Variants in SLC27A6 observed in about 807,000 individuals in gnomAD.
SLC27A6 encodes the protein solute carrier family 27 member 6.
In SLC27A6, 74 loss-of-function variants were observed where a neutral mutation model predicts 63.9. The observed-to-expected ratio is 1.16, with a 90% CI of 0.96 to 1.40. SLC27A6 has a LOEUF of 1.40. Ranked by LOEUF, SLC27A6 falls within the 40% of genes most tolerant of loss-of-function variation. SLC27A6 has a pLI of 0.00. For missense variants in SLC27A6, 794 were observed against 732.9 expected (o/e 1.08, Z -0.96); for synonymous variants, 287 against 260.8 (o/e 1.10, Z -0.97).
intron 4 of SLC27A6, among the ~76,000 whole-genome samples, chr5:128,997,708 A>T (rs1171355726): frequency 6.6e-6 from 1 of 152,214 alleles, no homozygotes; most frequent in East Asian, 1.9e-4. Flanking sequence ...TTGAGGATAC[A>T]TATATCCCGT....
intron 1 of SLC27A6, among the ~76,000 whole-genome samples, chr5:128,975,841 T>C (rs1383951768): frequency 6.6e-6 from 1 of 152,182 alleles, no homozygotes; most frequent in Admixed American, 6.5e-5. Context: ...AGTAAATACA[T>C]GTTCAACAGA....
chr5:129,011,455 A>G (rs1034993504), intron 4 of SLC27A6, among the ~76,000 whole-genome samples: 4 of 152,216 alleles, frequency 2.6e-5, no homozygotes, highest in African/African-American at 9.6e-5. Flanking sequence ...GTATTCTTTG[A>G]GAAGTACCTG....
intron 9 of SLC27A6, among the ~76,000 whole-genome samples, chr5:129,032,268 A>G (rs537061038): frequency 4.3e-4 from 65 of 152,046 alleles, no homozygotes; most frequent in Non-Finnish European, 1.9e-4. Flanking sequence ...AAAATAATCC[A>G]TATAAATAAG....
At position 128,985,266 on chromosome 5, in the gene SLC27A6, G is replaced by A; in HGVS notation, c.615G>A (p.Val205=). 3.1e-6 allele frequency: 5 copies of A among 1,614,110 alleles called. No homozygotes were observed. The highest frequency in any genetic ancestry group is 2.5e-6 in the Non-Finnish European group (3 of 1,180,004). ...EKLSTSPDEP[V]PRSHHVVSLL... is the part of the protein sequence containing the mutation. ...TGAGCACCTCACCTGATGAGCCCGT[G>A]CCACGCAGCCACCATGTTGTCTCAC... Residue 205 remains valine (V), a synonymous_variant, in exon 2 of 10, where the codon GTG becomes GTA. Transcript: ENST00000262462.
At chr5:128,970,729 T>G (rs1750118837) in intron 1 of SLC27A6, among the ~76,000 whole-genome samples, 1 of 151,872 alleles carries the variant, frequency 6.6e-6, no homozygotes, top group African/African-American at 2.4e-5. Context: ...TCTTTGATTT[T>G]TTGAAGGGTT....
chr5:129,019,255 C>A lies in SLC27A6; in HGVS notation c.1164+3176C>A, dbSNP rs975613953. ...TGACAACATATTTGAGAGACAAACT[C>A]AAGTAGAATTATGAAGTGCTTTCTC... is the stretch of plus-strand genomic sequence containing the variant. On this transcript the variant is annotated intron_variant, in intron 5 of 9. Transcript: ENST00000262462. 3.3e-5 allele frequency among the ~76,000 whole-genome samples: 5 copies of A among 151,870 alleles called. No individual in the cohort carries two copies. In the East Asian group the frequency reaches 9.7e-4, roughly 29 times the overall value.
chr5:129,032,425 G>T (rs1381768809), intron 9 of SLC27A6, among the ~76,000 whole-genome samples: 1 of 151,980 alleles, frequency 6.6e-6, no homozygotes, highest in African/African-American at 2.4e-5. Context: ...GGCTGTACTT[G>T]CTTTTTATCC....
rs1339690161 is a variant in SLC27A6 at position 129,029,667 on chromosome 5, T to G, written c.1643T>G (p.Phe548Cys). 1.2e-6 allele frequency: 2 copies of G among 1,602,084 alleles called. No homozygotes were observed. Among genetic ancestry groups the G allele is most frequent in the Non-Finnish European group, 1.7e-6 (2 of 1,176,130 alleles). Residue 548 changes from phenylalanine to cysteine, a missense_variant, in exon 9 of 10, where the codon TTT (phenylalanine) becomes TGT (cysteine). By Grantham distance (205) the Phe-to-Cys change is radical. Coordinates refer to ENST00000262462, the MANE Select transcript of SLC27A6 (RefSeq NM_001017372.3). ...AAAGTTTATGAACAAGTTGTAACAT[T>G]TCTACCAGCTTATGCTTGTCCACGA... is the stretch of plus-strand genomic sequence containing the variant. ...LEKVYEQVVT[F>C]LPAYACPRFL...
intron 9 of SLC27A6, among the ~76,000 whole-genome samples, chr5:129,031,833 T>G (rs1229080377): frequency 6.6e-6 from 1 of 151,974 alleles, no homozygotes; most frequent in East Asian, 1.9e-4. Flanking sequence ...CTGCTAATTT[T>G]TAAGAAAAGA....
chr5:128,988,909 A>G lies in SLC27A6; in HGVS notation c.844+151A>G, dbSNP rs1046684682. The G allele has an allele frequency of 2.3e-5, 14 of 598,904 alleles. No homozygotes were observed. The African/African-American group carries it at 2.5e-4, about 11-fold the overall frequency. 37.1% of individuals were successfully genotyped at this position (598,904 alleles called of 1,614,324 possible). ...ACAATATTTATTTTAAAAAAACTAC[A>G]CAATTTTATGGCATATTCAGTGTTT... On this transcript the variant is annotated intron_variant, in intron 3 of 9. Transcript: ENST00000262462.
chr5:128,972,419 C>T (rs1750208091), intron 1 of SLC27A6, among the ~76,000 whole-genome samples: 1 of 152,174 alleles, frequency 6.6e-6, no homozygotes, highest in Admixed American at 6.5e-5. Flanking sequence ...TAGATTTGGT[C>T]TTTTCACATA....
At chr5:128,967,003 A>G (rs543856347) in intron 1 of SLC27A6, among the ~76,000 whole-genome samples, 2 of 152,284 alleles carry the variant, frequency 1.3e-5, no homozygotes, top group South Asian at 4.1e-4. Context: ...ATTGTACTTT[A>G]TCAGGGATGA....
At chr5:129,000,847 A>G (rs934386845) in intron 4 of SLC27A6, among the ~76,000 whole-genome samples, 1 of 152,044 alleles carries the variant, frequency 6.6e-6, no homozygotes, top group Non-Finnish European at 1.5e-5. Flanking sequence ...GTGCCTTTGA[A>G]TGTTCTGGGT....
chr5:128,965,518 A>G lies in SLC27A6; in HGVS notation c.-620A>G, dbSNP rs2577539. Reference sequence around the variant, plus strand: ...GCTGGCCCTGAGGCCACGGACCGAGACGTGGTGCTGAGCCCCTGCGCGGTT... The same window carrying G: ...GCTGGCCCTGAGGCCACGGACCGAGGCGTGGTGCTGAGCCCCTGCGCGGTT... On this transcript the variant is annotated 5_prime_UTR_variant, in exon 1 of 10. Transcript: ENST00000262462. 0.5 allele frequency: 76,268 copies of G among 151,844 alleles called. 20,706 individuals are homozygous for G. The highest frequency in any genetic ancestry group is 0.62 in the Non-Finnish European group (42,071 of 68,062). The allele number at this position is 151,844 out of a possible 1,614,324, so 9.4% of individuals were successfully genotyped here. A position where few individuals can be genotyped will look rare whatever the true frequency, so the allele number is the denominator to read the frequency against.
rs1202982828 is a variant in SLC27A6 at position 128,965,842 on chromosome 5, C to T, written c.-296C>T. ...AGCGCTGGGGTTGTAGATTCCAAGA[C>T]CCCTGAGGGTGGCTGTGTTGGTTTC... On this transcript the variant is annotated 5_prime_UTR_variant, in exon 1 of 10. Transcript: ENST00000262462. The T allele has an allele frequency of 6.7e-6, 2 of 300,632 alleles. No individual in the cohort carries two copies. Among genetic ancestry groups the T allele is most frequent in the Non-Finnish European group, 6.2e-6 (1 of 161,410 alleles). 18.6% of individuals were successfully genotyped at this position (300,632 alleles called of 1,614,324 possible). A position where few individuals can be genotyped will look rare whatever the true frequency, so the allele number is the denominator to read the frequency against.
At chr5:128,975,049 T>C (rs1011050957) in intron 1 of SLC27A6, among the ~76,000 whole-genome samples, 6 of 152,208 alleles carry the variant, frequency 3.9e-5, no homozygotes, top group African/African-American at 1.2e-4. Context: ...AGGATACTTT[T>C]CTTAGAAATG....
chr5:128,973,899 C>T (rs186393677), intron 1 of SLC27A6, among the ~76,000 whole-genome samples: 79 of 152,318 alleles, frequency 5.2e-4, no homozygotes, highest in Admixed American at 1.6e-3. Flanking sequence ...ATTCAGCTAT[C>T]TTGGAACAAT....
In SLC27A6 at chr5:128,971,691, A is replaced by G. The variant is rs1750170839; in HGVS notation, c.481+5073A>G. Among the ~76,000 whole-genome samples, 3 of 152,014 alleles carry G rather than the reference A, an allele frequency of 2.0e-5. No homozygotes were observed. In the South Asian group the frequency reaches 6.2e-4, roughly 31 times the overall value. ...GAGATGGGTCTCCTGAATACAGCACACTGATGGGTCTTGACTCTTTATCCA... is the reference window on the plus strand; with the variant it reads ...GAGATGGGTCTCCTGAATACAGCACGCTGATGGGTCTTGACTCTTTATCCA... On this transcript the variant is annotated intron_variant, in intron 1 of 9. Coordinates refer to ENST00000262462, the MANE Select transcript of SLC27A6 (RefSeq NM_001017372.3).
chr5:128,975,891 C>T (rs1216797300), intron 1 of SLC27A6, among the ~76,000 whole-genome samples: 4 of 152,120 alleles, frequency 2.6e-5, no homozygotes, highest in Non-Finnish European at 5.9e-5. Context: ...CCTCCATGGC[C>T]AGTAAAGAAG....
Sources: gnomAD v4.1 joint callset for allele counts (sites outside exome capture counted in the v4.1 genomes callset) on GRCh38, gnomAD v4.1.1 for gene constraint, MANE v1.5 for transcripts, NCBI Gene and HGNC (gene_info 2026-07-23, HGNC 2026-07-21) for gene names.